The following PDE1A variants were observed in gnomAD, a reference collection of about 807,000 sequenced individuals.
The protein encoded by PDE1A is phosphodiesterase 1A, also known as dual specificity calcium/calmodulin-dependent 3',5'-cyclic nucleotide phosphodiesterase 1A.
Under a neutral mutation model 61.7 loss-of-function variants are expected in PDE1A, and 35 were observed. The ratio of observed to expected loss-of-function variants is 0.57; its 90% CI spans 0.43 to 0.75. The LOEUF is 0.75. Ranked by LOEUF, PDE1A falls within the 30% of genes least tolerant of loss-of-function variation. The pLI, the probability that PDE1A is intolerant of heterozygous loss-of-function variation, is 0.00. For synonymous variants in PDE1A, 232 were observed against 213.2 expected (o/e 1.09, Z -0.77); for missense variants, 597 against 630.6 (o/e 0.95, Z 0.57).
intron 2 of PDE1A, among the ~76,000 whole-genome samples, chr2:182,244,961 C>A (rs1339056149): frequency 6.6e-6 from 1 of 152,174 alleles, no homozygotes; most frequent in Non-Finnish European, 1.5e-5. Context: ...TGCTCTACAG[C>A]CCAGTTACAA....
At chr2:182,340,992 A>G (rs1698145862) in intron 1 of PDE1A, among the ~76,000 whole-genome samples, 1 of 152,194 alleles carries the variant, frequency 6.6e-6, no homozygotes, top group Admixed American at 6.5e-5. Context: ...TCCTCCTAGA[A>G]GCTTCGAAAG....
the PDE1A span, among the ~76,000 whole-genome samples, chr2:182,703,830 T>C: frequency 1.3e-5 from 2 of 152,120 alleles, no homozygotes; most frequent in Non-Finnish European, 2.9e-5. Flanking sequence ...AGGCCATCCA[T>C]AAATAAGGTT....
chr2:182,581,407 T>C, the PDE1A span, among the ~76,000 whole-genome samples: 3 of 152,162 alleles, frequency 2.0e-5, no homozygotes, highest in African/African-American at 7.2e-5. Flanking sequence ...AAAGGCTCTG[T>C]GCATTCAAAA....
At chr2:182,332,456 CT>C (rs1350844817) in intron 1 of PDE1A, among the ~76,000 whole-genome samples, 1 of 152,138 alleles carries the variant, frequency 6.6e-6, no homozygotes, top group African/African-American at 2.4e-5. Flanking sequence ...AATTCTCAGC[CT>C]TTTTGCACTG....
chr2:182,278,987 C>A (rs1693625594), intron 1 of PDE1A, among the ~76,000 whole-genome samples: 1 of 151,876 alleles, frequency 6.6e-6, no homozygotes, highest in Admixed American at 6.6e-5. Context: ...AACTCAGATA[C>A]CTTACATTGG....
chr2:182,678,231 T>C, the PDE1A span, among the ~76,000 whole-genome samples: 3 of 152,176 alleles, frequency 2.0e-5, no homozygotes, highest in Non-Finnish European at 2.9e-5. Context: ...GAGACCAGTC[T>C]GGCCAACATG....
chr2:182,438,081 C>G (rs1213729846), intron 2 of PDE1A, among the ~76,000 whole-genome samples: 3 of 151,834 alleles, frequency 2.0e-5, no homozygotes, highest in Non-Finnish European at 4.4e-5. Context: ...AGTTATTCAC[C>G]TTCCTAGCCA....
the PDE1A span, among the ~76,000 whole-genome samples, chr2:182,591,108 C>T: frequency 3.3e-5 from 5 of 152,286 alleles, no homozygotes; most frequent in South Asian, 8.3e-4. Flanking sequence ...GAAACTGGAC[C>T]TATTCTTTTT....
chr2:182,279,853 A>G (rs150182182), intron 1 of PDE1A, among the ~76,000 whole-genome samples: 1,688 of 151,608 alleles, frequency 0.011, 34 homozygotes, highest in South Asian at 0.088. Context: ...AAATACTTTG[A>G]TTGTTTTTTT....
At chr2:182,163,603 G>C (rs890086285), downstream of PDE1A, among the ~76,000 whole-genome samples, 2 of 152,168 alleles carry the variant, frequency 1.3e-5, no homozygotes. Flanking sequence ...CAGTGGTGCA[G>C]GGCCTGTGGA....
the PDE1A span, among the ~76,000 whole-genome samples, chr2:182,672,569 G>T: frequency 6.6e-6 from 1 of 152,218 alleles, no homozygotes; most frequent in African/African-American, 2.4e-5. Context: ...TAGACTATCT[G>T]AGAGCAGTGT....
chr2:182,230,297 T>G (rs1270848091), intron 5 of PDE1A, 151 bp from the exon 6 acceptor site: 2 of 605,560 alleles, frequency 3.3e-6, no homozygotes, highest in Non-Finnish European at 5.7e-6. Flanking sequence ...AACCACTTCA[T>G]GAACATGTTA....
the PDE1A span, among the ~76,000 whole-genome samples, chr2:182,558,188 G>C: frequency 2.0e-5 from 3 of 150,598 alleles, no homozygotes; most frequent in Admixed American, 6.6e-5. Flanking sequence ...ATTCTCACTG[G>C]ATGTGCAGGA....
intron 1 of PDE1A, among the ~76,000 whole-genome samples, chr2:182,317,077 T>C (rs1465353102): frequency 6.6e-6 from 1 of 152,172 alleles, no homozygotes; most frequent in Non-Finnish European, 1.5e-5. Context: ...CAAGTTTACT[T>C]ATGCAGTGCA....
intron 1 of PDE1A, among the ~76,000 whole-genome samples, chr2:182,298,128 C>T (rs1452348388): frequency 6.6e-6 from 1 of 152,104 alleles, no homozygotes; most frequent in Non-Finnish European, 1.5e-5. Context: ...ACTACAGCAC[C>T]ACAATTGTTA....
At chr2:182,598,938 T>C in the PDE1A span, among the ~76,000 whole-genome samples, 1 of 152,100 alleles carries the variant, frequency 6.6e-6, no homozygotes, top group African/African-American at 2.4e-5. Context: ...TGCAGGGAAT[T>C]ACTCATGGGA....
intron 1 of PDE1A, among the ~76,000 whole-genome samples, chr2:182,328,708 A>G (rs1176270246): frequency 3.3e-5 from 5 of 152,194 alleles, no homozygotes; most frequent in African/African-American, 1.2e-4. Context: ...GAGAAAATCT[A>G]GAATGAGGAG....
At chr2:182,206,058 C>T (rs141321124) in exon 8 of PDE1A, 17 of 1,605,144 alleles carry the variant, frequency 1.1e-5, no homozygotes, top group African/African-American at 1.3e-5. Context: ...AAAATGGCAA[C>T]ATCTGACCTA....
At chr2:182,709,885 C>T in the PDE1A span, among the ~76,000 whole-genome samples, 1 of 152,086 alleles carries the variant, frequency 6.6e-6, no homozygotes, top group Admixed American at 6.5e-5. Flanking sequence ...CTACTGCCTT[C>T]TCTTTTGTTT....
Sources: gnomAD v4.1 joint callset for allele counts (sites outside exome capture counted in the v4.1 genomes callset) on GRCh38, gnomAD v4.1.1 for gene constraint, MANE v1.5 for transcripts, NCBI Gene and HGNC (gene_info 2026-07-23, HGNC 2026-07-21) for gene names.